Variants in TP53AIP1 observed in about 807,000 individuals in gnomAD.
The protein encoded by TP53AIP1 is tumor protein p53 regulated apoptosis inducing protein 1.
Under a neutral mutation model 9.5 loss-of-function variants are expected in TP53AIP1, and 14 were observed. That is an observed-to-expected ratio of 1.47 (90% CI 0.97 to 2.30). The LOEUF is 2.30. Ranked by LOEUF, TP53AIP1 falls within the 30% of genes most tolerant of loss-of-function variation. The probability of loss-of-function intolerance (pLI) is 0.00; values close to 1 mark genes in which losing one functional copy is unlikely to be tolerated. For synonymous variants in TP53AIP1, 73 were observed against 61.2 expected, an observed-to-expected ratio of 1.19 and a Z score of -0.90; for missense variants, 153 against 146.7, an observed-to-expected ratio of 1.04 and a Z score of -0.22.
Position 128,936,565 on chromosome 11 carries a change from A to G in TP53AIP1, c.226T>C (p.Ser76Pro). 2.5e-6 allele frequency: 4 copies of G among 1,583,406 alleles called. No homozygotes were observed. Among genetic ancestry groups the G allele is most frequent in the Non-Finnish European group, 3.4e-6 (4 of 1,172,802 alleles). ...GTCAGGATCCAGACAGTTGCTGAGG[A>G]CCAAGATCCAGACGAGACTGACAGA... ...EALSVSSGSW[S>P]SATVWILTGL... The change falls in exon 3 of 4, where the codon TCC (serine) becomes CCC (proline). Residue 76 changes from serine to proline, a missense_variant. Transcript: ENST00000531399.
intron 3 of TP53AIP1, chr11:128,936,216 G>C: frequency 1.8e-6 from 2 of 1,087,874 alleles, no homozygotes; most frequent in Non-Finnish European, 2.2e-6. Flanking sequence ...AGTTGGAATG[G>C]AAGACTGCTC....
In TP53AIP1 at chr11:128,937,715, G is replaced by A; in HGVS notation, c.104C>T (p.Pro35Leu). The A allele has an allele frequency of 6.2e-7, 1 of 1,614,148 alleles. No homozygotes were observed. Among genetic ancestry groups the A allele is most frequent in the Non-Finnish European group, 8.5e-7 (1 of 1,180,026 alleles). ...GRGDQNLSVM[P>L]PNGRAQTHTP... ...GTGTGTCTGAGCCCTGCCATTCGGAGGCATCACCGAGAGGTTCTGGTCTCC... is the reference window on the plus strand; with the variant it reads ...GTGTGTCTGAGCCCTGCCATTCGGAAGCATCACCGAGAGGTTCTGGTCTCC... Residue 35 changes from proline to leucine, a missense_variant, in exon 2 of 4, where the codon CCT (proline) becomes CTT (leucine). Pro to Leu is a moderately conservative substitution (Grantham distance 98, BLOSUM62 -3). Coordinates refer to ENST00000531399, the MANE Select transcript of TP53AIP1 (RefSeq NM_022112.3). This position sits in a 1 kb window ranked among gnomAD's most constrained non-coding sequence, Gnocchi z 4.8.
Position 128,937,376 on chromosome 11 carries a change from G to T in TP53AIP1, c.141+302C>A. On this transcript the variant is annotated intron_variant, in intron 2 of 3. Transcript: ENST00000531399. The surrounding 1 kb of genome is among the most constrained non-coding windows in gnomAD (Gnocchi z 4.8). ...GCTCTCACTTTCTGGATGCAGCCAG[G>T]CACCACCTTCCTTCCAAAAGCCTTG... The T allele has an allele frequency of 7.0e-7, 1 of 1,423,772 alleles. No individual in the cohort carries two copies. The highest frequency in any genetic ancestry group is 9.2e-7 in the Non-Finnish European group (1 of 1,092,608). 88.2% of individuals were successfully genotyped at this position (1,423,772 alleles called of 1,614,324 possible).
intron 1 of TP53AIP1, among the ~76,000 whole-genome samples, 170 bp from the exon 2 acceptor site, chr11:128,938,064 TG>T (rs2136021810): frequency 6.6e-6 from 1 of 152,034 alleles, no homozygotes; most frequent in East Asian, 1.9e-4. Context: ...GGAGATGCTT[TG>T]GGAAACTCAA....
chr11:128,937,367 T>C lies in TP53AIP1; in HGVS notation c.141+311A>G. On this transcript the variant is annotated intron_variant, in intron 2 of 3. Transcript: ENST00000531399. The surrounding 1 kb of genome is among the most constrained non-coding windows in gnomAD (Gnocchi z 4.8). Reference sequence around the variant, plus strand: ...CTCCATTTAGCTCTCACTTTCTGGATGCAGCCAGGCACCACCTTCCTTCCA... The same window carrying C: ...CTCCATTTAGCTCTCACTTTCTGGACGCAGCCAGGCACCACCTTCCTTCCA... The C allele has an allele frequency of 7.0e-7, 1 of 1,424,002 alleles. No individual in the cohort carries two copies. Among genetic ancestry groups the C allele is most frequent in the Non-Finnish European group, 9.1e-7 (1 of 1,093,030 alleles). 88.2% of individuals were successfully genotyped at this position (1,424,002 alleles called of 1,614,324 possible). A position where few individuals can be genotyped will look rare whatever the true frequency, so the allele number is the denominator to read the frequency against.
At chr11:128,936,348 G>T in intron 3 of TP53AIP1, 190 bp downstream of exon 3, 3 of 1,383,832 alleles carry the variant, frequency 2.2e-6, no homozygotes, top group Non-Finnish European at 2.8e-6. Flanking sequence ...TTTAATTTGA[G>T]AAATTAAATA....
chr11:128,936,512 G>T (rs925714424), intron 3 of TP53AIP1, 26 bp downstream of exon 3: 1 of 1,540,186 alleles, frequency 6.5e-7, no homozygotes, highest in South Asian at 1.2e-5. Flanking sequence ...CCACACCCAT[G>T]AATTCACTAA....
rs1199452228 is a variant in TP53AIP1, at chr11:128,937,751, C to T, written c.68G>A (p.Gly23Asp). 3 of 1,614,044 alleles carry T rather than the reference C, an allele frequency of 1.9e-6. No homozygotes were observed. The Admixed American group carries it at 5.0e-5, about 27-fold the overall frequency. The change falls in exon 2 of 4, where the codon GGC becomes GAC. Residue 23 changes from glycine (G) to aspartate (D), a missense_variant. Physicochemically the swap from Gly to Asp is moderately conservative, Grantham distance 94. Coordinates refer to ENST00000531399, the MANE Select transcript of TP53AIP1 (RefSeq NM_022112.3). The surrounding 1 kb of genome is among the most constrained non-coding windows in gnomAD (Gnocchi z 4.8). ...GAGGTTCTGGTCTCCCCTGCCCAGG[C>T]CCTGCCTCCTGGCCCCACTGCAGGA... ...QASCSGARRQ[G>D]LGRGDQNLSV... is the part of the protein sequence containing the mutation.
chr11:128,936,483 C>G (rs1944825946), intron 3 of TP53AIP1, 55 bp downstream of exon 3: 1 of 1,492,738 alleles, frequency 6.7e-7, no homozygotes, highest in Admixed American at 2.4e-5. Context: ...GACATCAAAT[C>G]ACTTAATTCT....
At position 128,935,607 on chromosome 11, in the gene TP53AIP1, G is replaced by A. The variant is rs200680167; in HGVS notation, c.359C>T (p.Pro120Leu). Residue 120 changes from proline to leucine, a missense_variant, in exon 4 of 4, where the codon CCG (proline) becomes CTG (leucine). By Grantham distance (98) the Pro-to-Leu change is moderately conservative (BLOSUM62 -3). Coordinates refer to ENST00000531399, the MANE Select transcript of TP53AIP1 (RefSeq NM_022112.3). ...GATCTCGGCTCACTGCAACCTCAAC[G>A]GTGCTTTTTTCTGATCATAGCTGAG... is the stretch of plus-strand genomic sequence containing the variant. ...FELSYDQKKA[P>L]LRLQ 175 of 1,576,498 alleles carry A rather than the reference G, an allele frequency of 1.1e-4. No homozygotes were observed. Among genetic ancestry groups the A allele is most frequent in the African/African-American group, 1.3e-4 (10 of 74,508 alleles).
chr11:128,935,510 T>TTCTGTTTGTTTG lies in TP53AIP1; in HGVS notation c.*69_*80dup. On this transcript the variant is annotated 3_prime_UTR_variant, in exon 4 of 4. Coordinates refer to ENST00000531399, the MANE Select transcript of TP53AIP1 (RefSeq NM_022112.3). Reference sequence around the variant, plus strand: ...GCTGGAGCCATTTCTCGACGGTGCTTTCTGTTTGTTTGTTTGTTTTTGTTT... The same window carrying TTCTGTTTGTTTG: ...GCTGGAGCCATTTCTCGACGGTGCTTTCTGTTTGTTTGTCTGTTTGTTTGTTTGTTTTTGTTT... 1 of 1,390,568 alleles carries TTCTGTTTGTTTG rather than the reference T, an allele frequency of 7.2e-7. No homozygotes were observed. The highest frequency in any genetic ancestry group is 2.6e-4 in the Middle Eastern group (1 of 3,880). The allele number at this position is 1,390,568 out of a possible 1,614,324, so 86.1% of individuals were successfully genotyped here.
chr11:128,939,136 G>A lies in TP53AIP1; in HGVS notation c.-76-1242C>T, dbSNP rs927647268. ...GCATTTACCCAATGCTGCACGTTAC[G>A]AAAATGTAAAAGAACGAACACGGCT... On this transcript the variant is annotated intron_variant, in intron 1 of 3. Coordinates refer to ENST00000531399, the MANE Select transcript of TP53AIP1 (RefSeq NM_022112.3). This position sits in a 1 kb window ranked among gnomAD's most constrained non-coding sequence, Gnocchi z 4.1. Among the ~76,000 whole-genome samples, 14 of 152,296 alleles carry A rather than the reference G, an allele frequency of 9.2e-5. No homozygotes were observed. Among genetic ancestry groups the A allele is most frequent in the East Asian group, 1.9e-4 (1 of 5,180 alleles).
At chr11:128,936,114 C>T in intron 3 of TP53AIP1, 1 of 945,316 alleles carries the variant, frequency 1.1e-6, no homozygotes, top group Non-Finnish European at 1.3e-6. Context: ...TTGTCCTGCC[C>T]ATGTACACAC....
chr11:128,937,836 T>G lies in TP53AIP1; in HGVS notation c.-18A>C. ...GATCCCATCCAGGGGAGGCCCTGTC[T>G]GCAGAAAGCAGAGAACTTGGCTTCT... On this transcript the variant is annotated 5_prime_UTR_variant, in exon 2 of 4. Coordinates refer to ENST00000531399, the MANE Select transcript of TP53AIP1 (RefSeq NM_022112.3). This position sits in a 1 kb window ranked among gnomAD's most constrained non-coding sequence, Gnocchi z 4.8. 1 of 1,590,636 alleles carries G rather than the reference T, an allele frequency of 6.3e-7. No homozygotes were observed.
rs907872164 is a variant in TP53AIP1 at position 128,937,257 on chromosome 11, G to A, written c.141+421C>T. 3.7e-5 allele frequency: 47 copies of A among 1,285,850 alleles called. No individual in the cohort carries two copies. Among genetic ancestry groups the A allele is most frequent in the East Asian group, 6.2e-5 (2 of 32,300 alleles). The allele number at this position is 1,285,850 out of a possible 1,614,324, so 79.7% of individuals were successfully genotyped here. ...GCCCATCTGGACAAAAGCAGGATCC[G>A]GGGTGGACGCAGAAGAGCAGGCCCG... is the stretch of plus-strand genomic sequence containing the variant. On this transcript the variant is annotated intron_variant, in intron 2 of 3. Transcript: ENST00000531399. This position sits in a 1 kb window ranked among gnomAD's most constrained non-coding sequence, Gnocchi z 4.8.
downstream of TP53AIP1, chr11:128,934,797 A>G: frequency 3.6e-6 from 2 of 552,974 alleles, no homozygotes; most frequent in Non-Finnish European, 6.5e-6. Flanking sequence ...GCAGAGAGAG[A>G]CCCACAGGGA....
intron 3 of TP53AIP1, 73 bp from the exon 4 acceptor site, chr11:128,935,785 A>G: frequency 2.8e-6 from 4 of 1,434,764 alleles, no homozygotes; most frequent in Non-Finnish European, 3.6e-6. Flanking sequence ...ATATCATGTT[A>G]CAGACCAGGG....
At chr11:128,941,396 C>T (rs1255945246) in intron 1 of TP53AIP1, among the ~76,000 whole-genome samples, 6 of 152,192 alleles carry the variant, frequency 3.9e-5, no homozygotes, top group African/African-American at 1.4e-4. Context: ...CTCTGGGCCC[C>T]CACACATCTC....
chr11:128,936,962 C>G (rs1944836937), intron 2 of TP53AIP1: 1 of 1,138,620 alleles, frequency 8.8e-7, no homozygotes, highest in South Asian at 2.7e-5. Context: ...CCCCAGCACA[C>G]CTGGGCCCTG....
Sources: gnomAD v4.1 joint callset for allele counts (sites outside exome capture counted in the v4.1 genomes callset) on GRCh38, gnomAD v4.1.1 for gene constraint, Gnocchi (gnomAD v3.1) non-coding constraint, MANE v1.5 for transcripts, NCBI Gene and HGNC (gene_info 2026-07-23, HGNC 2026-07-21) for gene names.